NLGN1: variants seen among roughly 807,000 people sequenced by gnomAD.
The protein encoded by NLGN1 is neuroligin-1.
In NLGN1, 12 loss-of-function variants were observed where a neutral mutation model predicts 65.5. The observed-to-expected ratio is 0.18, with a 90% CI of 0.12 to 0.30. The LOEUF (loss-of-function observed/expected upper bound fraction) is 0.30. Among genes scored for constraint, NLGN1 ranks in the 10% least tolerant of loss-of-function variants. NLGN1 has a pLI of 1.00. For missense variants in NLGN1, 750 were observed against 1,007.1 expected (o/e 0.74, Z 3.46); for synonymous variants, 350 against 359.5 (o/e 0.97, Z 0.30).
intron 3 of NLGN1, among the ~76,000 whole-genome samples, chr3:173,702,184 A>C (rs1299266858): frequency 9.5e-5 from 14 of 147,986 alleles, no homozygotes. Context: ...GCTTGCAGTG[A>C]GCCGAGATCC....
At chr3:173,921,088 C>T (rs1741916658) in intron 4 of NLGN1, among the ~76,000 whole-genome samples, 2 of 150,414 alleles carry the variant, frequency 1.3e-5, no homozygotes, top group Middle Eastern at 3.6e-3. Flanking sequence ...CCTCAAAAAT[C>T]CTCCAAAGCA....
chr3:173,659,640 T>TA (rs1271240286), intron 3 of NLGN1, among the ~76,000 whole-genome samples: 1 of 151,832 alleles, frequency 6.6e-6, no homozygotes, highest in Non-Finnish European at 1.5e-5. Flanking sequence ...ATATGTATAT[T>TA]AAAAAAACCA....
At chr3:174,189,603 A>G (rs942285182) in intron 4 of NLGN1, among the ~76,000 whole-genome samples, 1 of 151,934 alleles carries the variant, frequency 6.6e-6, no homozygotes, top group Admixed American at 6.6e-5. Context: ...ATTCTTCAGC[A>G]TGTTTCCAAA....
chr3:174,028,981 C>T (rs1189445592), intron 4 of NLGN1, among the ~76,000 whole-genome samples: 3 of 151,802 alleles, frequency 2.0e-5, no homozygotes, highest in Admixed American at 6.6e-5. Context: ...AGAGGATGTA[C>T]GGAAATGCCT....
intron 4 of NLGN1, among the ~76,000 whole-genome samples, chr3:174,071,924 G>C (rs2152535740): frequency 6.6e-6 from 1 of 152,230 alleles, no homozygotes; most frequent in African/African-American, 2.4e-5. Context: ...GATCTAGTCG[G>C]AAGATCTGGA....
intron 4 of NLGN1, among the ~76,000 whole-genome samples, chr3:173,967,987 C>T (rs1038831): frequency 0.015 from 2,321 of 152,224 alleles, 64 homozygotes; most frequent in African/African-American, 0.052. Context: ...TTGATGGTAG[C>T]TGACGCGTGT....
chr3:173,892,919 G>A (rs955017199), intron 4 of NLGN1, among the ~76,000 whole-genome samples: 1 of 152,142 alleles, frequency 6.6e-6, no homozygotes, highest in African/African-American at 2.4e-5. Context: ...TTGGAGACTT[G>A]GGGAAGCCTT....
intron 4 of NLGN1, among the ~76,000 whole-genome samples, chr3:174,095,574 A>G (rs1366350799): frequency 6.6e-6 from 1 of 151,812 alleles, no homozygotes; most frequent in Non-Finnish European, 1.5e-5. Context: ...ATGTATGTAT[A>G]TGTACATATA....
chr3:173,674,642 A>T (rs1238114167), intron 3 of NLGN1, among the ~76,000 whole-genome samples: 1 of 152,158 alleles, frequency 6.6e-6, no homozygotes, highest in African/African-American at 2.4e-5. Context: ...TAAAGAAATC[A>T]TTACTGAGGA....
intron 2 of NLGN1, among the ~76,000 whole-genome samples, chr3:173,484,706 C>T (rs115987513): frequency 0.024 from 3,574 of 151,430 alleles, 152 homozygotes; most frequent in African/African-American, 0.079. Flanking sequence ...AAATTTAAAG[C>T]GTATTGCTGA....
intron 4 of NLGN1, among the ~76,000 whole-genome samples, chr3:173,809,667 T>C (rs1050938694): frequency 2.6e-5 from 4 of 152,228 alleles, no homozygotes; most frequent in Non-Finnish European, 5.9e-5. Flanking sequence ...TTTGTTGTTA[T>C]GTTAACAAAA....
At chr3:174,134,859 C>T (rs1023220748) in intron 4 of NLGN1, among the ~76,000 whole-genome samples, 3 of 152,094 alleles carry the variant, frequency 2.0e-5, no homozygotes, top group Admixed American at 1.3e-4. Flanking sequence ...TCCATATTCC[C>T]AGATATCCAG....
intron 2 of NLGN1, among the ~76,000 whole-genome samples, chr3:173,557,720 C>T (rs192798232): frequency 1.5e-3 from 229 of 152,136 alleles, no homozygotes; most frequent in South Asian, 5.0e-3. Flanking sequence ...ATATTTTATG[C>T]TGTTGCTGTC....
intron 4 of NLGN1, among the ~76,000 whole-genome samples, chr3:174,265,631 AC>A (rs1489379661): frequency 2.0e-5 from 3 of 151,384 alleles, no homozygotes; most frequent in Non-Finnish European, 2.9e-5. Flanking sequence ...TGCAGAAATC[AC>A]CCGTCTTCTG....
chr3:173,579,208 G>A (rs1015622323), intron 2 of NLGN1, among the ~76,000 whole-genome samples: 1 of 152,200 alleles, frequency 6.6e-6, no homozygotes, highest in African/African-American at 2.4e-5. Context: ...TTGGGTAGTC[G>A]CAGTGGCTAT....
At chr3:174,015,559 A>G (rs938653474) in intron 4 of NLGN1, among the ~76,000 whole-genome samples, 8 of 152,214 alleles carry the variant, frequency 5.3e-5, no homozygotes, top group African/African-American at 1.9e-4. Flanking sequence ...TGACTTCAAC[A>G]TATGAATGTT....
intron 4 of NLGN1, among the ~76,000 whole-genome samples, chr3:174,246,431 A>C (rs552748566): frequency 7.6e-4 from 115 of 152,218 alleles, no homozygotes; most frequent in African/African-American, 2.7e-3. Flanking sequence ...CCATTTTTTT[A>C]AAAATAGAGA....
intron 4 of NLGN1, among the ~76,000 whole-genome samples, chr3:174,222,379 T>A (rs1163665092): frequency 6.6e-6 from 1 of 152,192 alleles, no homozygotes; most frequent in African/African-American, 2.4e-5. Flanking sequence ...TTTTACTTTA[T>A]ATAGATATTT....
At chr3:174,072,517 G>A (rs147009852) in intron 4 of NLGN1, among the ~76,000 whole-genome samples, 1 of 152,112 alleles carries the variant, frequency 6.6e-6, no homozygotes, top group Non-Finnish European at 1.5e-5. Flanking sequence ...AACCATGAAA[G>A]TGTGGGGCAC....
Sources: allele counts gnomAD v4.1 joint callset (sites outside exome capture counted in the v4.1 genomes callset), GRCh38; gene constraint gnomAD v4.1.1; transcripts MANE v1.5; gene names NCBI Gene and HGNC (gene_info 2026-07-23, HGNC 2026-07-21).